Variants in USP24 observed in about 807,000 individuals in gnomAD.
The protein encoded by USP24 is ubiquitin carboxyl-terminal hydrolase 24.
USP24 carries 97 observed loss-of-function variants against 361.6 expected under a neutral mutation model. The ratio of observed to expected loss-of-function variants is 0.27; its 90% CI spans 0.23 to 0.32. The LOEUF is 0.32. USP24 is among the 10% of genes least tolerant of loss of function. The pLI is 1.00. For missense variants in USP24, 2,353 were observed against 3,165.6 expected (o/e 0.74, Z 6.16); for synonymous variants, 1,098 against 1,124.6 (o/e 0.98, Z 0.47).
At chr1:55,153,378 C>T (rs1173218588) in intron 16 of USP24, among the ~76,000 whole-genome samples, 1 of 152,210 alleles carries the variant, frequency 6.6e-6, no homozygotes. Flanking sequence ...GCAACAGATA[C>T]TCACTGAATG....
intron 16 of USP24, among the ~76,000 whole-genome samples, chr1:55,149,546 T>C (rs572008651): frequency 6.6e-6 from 1 of 152,186 alleles, no homozygotes. Flanking sequence ...ACAATACTTT[T>C]TTCCTTGCCT....
rs529599156 is a variant in USP24 at position 55,157,176 on chromosome 1, C to A, written c.1342+80G>T. 4 of 1,364,108 alleles carry A rather than the reference C, an allele frequency of 2.9e-6. No homozygotes were observed. The African/African-American group carries it at 5.9e-5, about 20-fold the overall frequency. The allele number at this position is 1,364,108 out of a possible 1,614,324, so 84.5% of individuals were successfully genotyped here. A position where few individuals can be genotyped will look rare whatever the true frequency, so the allele number is the denominator to read the frequency against. ...TTAAAGACTAATACAGTCAAAGCAA[C>A]AATTTTGTATACTTTTTAATACAAA... On this transcript the variant is annotated intron_variant, in intron 11 of 67. Coordinates refer to ENST00000294383, the MANE Select transcript of USP24 (RefSeq NM_015306.3).
intron 56 of USP24, among the ~76,000 whole-genome samples, chr1:55,084,662 C>T (rs1645213881): frequency 1.3e-5 from 2 of 152,124 alleles, no homozygotes; most frequent in Admixed American, 1.3e-4. Context: ...ATTTACATAG[C>T]ACTTCATTTT....
intron 24 of USP24, among the ~76,000 whole-genome samples, chr1:55,139,221 A>G (rs1408582088): frequency 6.6e-6 from 1 of 152,174 alleles, no homozygotes; most frequent in Admixed American, 6.5e-5. Flanking sequence ...GGAGAAGCCT[A>G]TACCTCCCCA....
chr1:55,214,288 G>A (rs927940736), intron 1 of USP24, among the ~76,000 whole-genome samples: 1 of 151,504 alleles, frequency 6.6e-6, no homozygotes, highest in Non-Finnish European at 1.5e-5. Context: ...CCACTACTCT[G>A]GCCGGCCCAC....
chr1:55,098,145 C>G, intron 46 of USP24, 61 bp from the exon 47 acceptor site: 4 of 1,481,626 alleles, frequency 2.7e-6, no homozygotes, highest in Non-Finnish European at 3.6e-6. Context: ...CTTCAATTAT[C>G]ATAATACCTA....
At chr1:55,084,050 T>C (rs558028033) in intron 56 of USP24, among the ~76,000 whole-genome samples, 162 bp from the exon 57 acceptor site, 2 of 152,286 alleles carry the variant, frequency 1.3e-5, no homozygotes, top group Non-Finnish European at 1.5e-5. Context: ...AAAAACAGAA[T>C]TATCCATTTT....
In USP24 at chr1:55,150,319, C is replaced by T. The variant is rs116129961; in HGVS notation, c.1861-1749G>A. Among the ~76,000 whole-genome samples, 513 of 152,280 alleles carry T rather than the reference C, an allele frequency of 3.4e-3. 4 individuals are homozygous for T. Among genetic ancestry groups the T allele is most frequent in the African/African-American group, 0.012 (499 of 41,576 alleles). On this transcript the variant is annotated intron_variant, in intron 16 of 67. Coordinates refer to ENST00000294383, the MANE Select transcript of USP24 (RefSeq NM_015306.3). Reference sequence around the variant, plus strand: ...TCATTAAGAATCTAAACCAATGGTCCATAACTGCAAAACGGACAGTTTCTT... The same window carrying T: ...TCATTAAGAATCTAAACCAATGGTCTATAACTGCAAAACGGACAGTTTCTT...
chr1:55,135,815 A>G (rs915849552), intron 28 of USP24, among the ~76,000 whole-genome samples: 2 of 152,234 alleles, frequency 1.3e-5, no homozygotes, highest in African/African-American at 4.8e-5. Flanking sequence ...TTTACTTTAC[A>G]TTAGCTTGCT....
intron 38 of USP24, among the ~76,000 whole-genome samples, chr1:55,111,520 T>C (rs1460401455): frequency 6.6e-6 from 1 of 152,110 alleles, no homozygotes; most frequent in East Asian, 1.9e-4. Context: ...AAAAAGTTCA[T>C]CTGTTTAGAA....
At chr1:55,076,792 T>C (rs1645038989) in intron 62 of USP24, among the ~76,000 whole-genome samples, 1 of 152,248 alleles carries the variant, frequency 6.6e-6, no homozygotes, top group South Asian at 2.1e-4. Flanking sequence ...TTCAGTTTCA[T>C]GGCTCTTAAA....
intron 62 of USP24, among the ~76,000 whole-genome samples, chr1:55,076,667 G>C (rs1645036519): frequency 6.6e-6 from 1 of 152,122 alleles, no homozygotes; most frequent in South Asian, 2.1e-4. Flanking sequence ...TGGTCTTCTA[G>C]TTCCCAATCT....
chr1:55,182,529 T>C (rs1469258067), intron 1 of USP24, among the ~76,000 whole-genome samples: 1 of 152,078 alleles, frequency 6.6e-6, no homozygotes, highest in East Asian at 1.9e-4. Context: ...AATTAATAAA[T>C]CAAACAACAT....
intron 10 of USP24, among the ~76,000 whole-genome samples, chr1:55,157,732 G>A (rs982230317): frequency 1.3e-5 from 2 of 151,786 alleles, no homozygotes; most frequent in Non-Finnish European, 2.9e-5. Context: ...TACTCAGGAG[G>A]CTAAGGCAGG....
chr1:55,125,149 T>C (rs960495377), intron 34 of USP24, among the ~76,000 whole-genome samples, 171 bp downstream of exon 34: 2 of 152,226 alleles, frequency 1.3e-5, no homozygotes, highest in Admixed American at 6.5e-5. Context: ...TGATACTTTC[T>C]ACCTGGAATT....
rs747151591 is a variant in USP24, at chr1:55,097,710, G to A, written c.5603C>T (p.Thr1868Ile). 6.5e-7 allele frequency: 1 copy of A among 1,541,876 alleles called. No homozygotes were observed. Among genetic ancestry groups the A allele is most frequent in the South Asian group, 1.3e-5 (1 of 78,954 alleles). ...YCEKCKEKRI[T>I]VKRTCIKSLP... ...AGATTTAATACAGGTCCTTTTCACTGTTATTCTCTAAAGAAAAAAAAAAGG... is the reference window on the plus strand; with the variant it reads ...AGATTTAATACAGGTCCTTTTCACTATTATTCTCTAAAGAAAAAAAAAAGG... Residue 1868 changes from threonine to isoleucine, a missense_variant, in exon 48 of 68, where the codon ACA (threonine) becomes ATA (isoleucine). Thr to Ile is a moderately conservative substitution (Grantham distance 89). Around this residue, in one of 8 missense-constraint regions of USP24, gnomAD observed 105 missense variants for 200.3 expected, o/e 0.52. Transcript: ENST00000294383.
At position 55,099,806 on chromosome 1, in the gene USP24, T is replaced by C. The variant is rs1645586941; in HGVS notation, c.5335A>G (p.Thr1779Ala). ...TCATCCATCTGATCAATGAGACTAG[T>C]AAAGAATTCATATGCATCCTGCTGT... Reference protein sequence around the residue: ...REQQDAYEFFTSLIDQMDEYL... With the variant: ...REQQDAYEFFASLIDQMDEYL... Residue 1779 changes from threonine (T) to alanine (A), a missense_variant, in exon 45 of 68, where the codon ACT (threonine) becomes GCT (alanine). Around this residue, in one of 8 missense-constraint regions of USP24, gnomAD observed 105 missense variants for 200.3 expected, o/e 0.52. Coordinates refer to ENST00000294383, the MANE Select transcript of USP24 (RefSeq NM_015306.3). 6.4e-7 allele frequency: 1 copy of C among 1,560,236 alleles called. No homozygotes were observed. The highest frequency in any genetic ancestry group is 8.7e-7 in the Non-Finnish European group (1 of 1,150,818).
In USP24 at chr1:55,206,299, C is replaced by T. The variant is rs114568404; in HGVS notation, c.324+8491G>A. Among the ~76,000 whole-genome samples the T allele has an allele frequency of 2.9e-3, 441 of 152,200 alleles. 2 individuals are homozygous for T. Among genetic ancestry groups the T allele is most frequent in the African/African-American group, 0.01 (417 of 41,506 alleles). Reference sequence around the variant, plus strand: ...AAAATTTTTTAACTGAAATGTTTTACTTGGTGTACATGCAAAATGCAGTGG... The same window carrying T: ...AAAATTTTTTAACTGAAATGTTTTATTTGGTGTACATGCAAAATGCAGTGG... On this transcript the variant is annotated intron_variant, in intron 1 of 67. Transcript: ENST00000294383.
chr1:55,125,213 G>A, intron 34 of USP24, 107 bp downstream of exon 34: 2 of 1,056,320 alleles, frequency 1.9e-6, no homozygotes, highest in Non-Finnish European at 2.8e-6. Context: ...ATTTCTTGAA[G>A]GCAATATTCA....
Sources: gnomAD v4.1 joint callset for allele counts (sites outside exome capture counted in the v4.1 genomes callset) on GRCh38, gnomAD v4.1.1 for gene constraint, gnomAD v4.1.1 regional missense constraint, MANE v1.5 for transcripts, NCBI Gene and HGNC (gene_info 2026-07-23, HGNC 2026-07-21) for gene names.